The following DIRAS2 variants were observed in gnomAD, a reference collection of about 807,000 sequenced individuals.
The protein encoded by DIRAS2 is DIRAS family GTPase 2, also known as GTP-binding protein Di-Ras2.
In DIRAS2, 5 loss-of-function variants were observed where a neutral mutation model predicts 13.9. The ratio of observed to expected loss-of-function variants is 0.36; its 90% CI spans 0.19 to 0.76. The LOEUF is 0.76. DIRAS2 is among the 30% of genes least tolerant of loss of function. The pLI, the probability that DIRAS2 is intolerant of heterozygous loss-of-function variation, is 0.53. For synonymous variants in DIRAS2, 111 were observed against 105.4 expected (o/e 1.05, Z -0.33); for missense variants, 191 against 263.0 (o/e 0.73, Z 1.89).
At chr9:90,635,918 A>C (rs1428620263) in intron 1 of DIRAS2, among the ~76,000 whole-genome samples, 1 of 151,992 alleles carries the variant, frequency 6.6e-6, no homozygotes, top group Non-Finnish European at 1.5e-5. Context: ...TCAGGATTCC[A>C]GGGCAAGACC....
rs201919906 is a variant in DIRAS2, at chr9:90,613,255, C to T, written c.573G>A (p.Lys191=). ...KKSKQQKRKE[K]LKGKCVIM ...ACATGATCACGCACTTGCCTTTGAG[C>T]TTCTCTTTCCTTTTCTGCTGCTTGC... Residue 191 remains lysine, a synonymous_variant, in exon 2 of 2, where the codon AAG becomes AAA. Coordinates refer to ENST00000375765, the MANE Select transcript of DIRAS2 (RefSeq NM_017594.5). This position sits in a 1 kb window ranked among gnomAD's most constrained non-coding sequence, Gnocchi z 5.6. The T allele has an allele frequency of 6.2e-6, 10 of 1,613,716 alleles. No homozygotes were observed. The East Asian group carries it at 2.2e-4, about 36-fold the overall frequency.
intron 1 of DIRAS2, among the ~76,000 whole-genome samples, chr9:90,640,379 A>G (rs1269759099): frequency 1.3e-5 from 2 of 152,224 alleles, no homozygotes; most frequent in Non-Finnish European, 2.9e-5. Context: ...CCCGTCAGTG[A>G]GGAGAGGCTT....
rs183210180 is a variant in DIRAS2 at position 90,615,234 on chromosome 9, A to C, written c.-36-1371T>G. ...AATATGTTCTCCTGACAGACAGAAC[A>C]TCAGGTCAAAGCCCTGGACTGAGGT... On this transcript the variant is annotated intron_variant, in intron 1 of 1. Transcript: ENST00000375765. 3.3e-5 allele frequency among the ~76,000 whole-genome samples: 5 copies of C among 152,390 alleles called. No individual in the cohort carries two copies. In the East Asian group the frequency reaches 9.6e-4, roughly 29 times the overall value.
At chr9:90,640,026 T>C (rs1311595446) in intron 1 of DIRAS2, among the ~76,000 whole-genome samples, 2 of 152,356 alleles carry the variant, frequency 1.3e-5, no homozygotes, top group South Asian at 2.1e-4. Flanking sequence ...AATTGAGATG[T>C]CTTGTAAGTC....
At position 90,623,892 on chromosome 9, in the gene DIRAS2, G is replaced by C. The variant is rs980937469; in HGVS notation, c.-36-10029C>G. On this transcript the variant is annotated intron_variant, in intron 1 of 1. Coordinates refer to ENST00000375765, the MANE Select transcript of DIRAS2 (RefSeq NM_017594.5). The stretch of plus-strand genomic sequence containing the variant: ...CTGTCTAAACAAACAGTCAAAACTA[G>C]AGGGAAAATTATAGATTGGAAGAAT... 7.2e-5 allele frequency among the ~76,000 whole-genome samples: 11 copies of C among 152,210 alleles called. No individual in the cohort carries two copies. In the South Asian group the frequency reaches 1.0e-3, roughly 14 times the overall value.
intron 1 of DIRAS2, among the ~76,000 whole-genome samples, chr9:90,617,389 A>G (rs1253493752): frequency 6.6e-6 from 1 of 152,252 alleles, no homozygotes; most frequent in Non-Finnish European, 1.5e-5. Context: ...AAACAGCACT[A>G]TAATAAACAA....
In DIRAS2 at chr9:90,613,360, A is replaced by G; in HGVS notation, c.468T>C (p.His156=). The part of the protein sequence containing the change: ...AFMETSAKLN[H]NVKELFQELL... ...GCTCCTGGAAAAGCTCCTTCACGTT[A>G]TGGTTGAGCTTGGCTGAGGTCTCCA... Residue 156 remains histidine, a synonymous_variant, in exon 2 of 2, where the codon CAT becomes CAC. Transcript: ENST00000375765. This position sits in a 1 kb window ranked among gnomAD's most constrained non-coding sequence, Gnocchi z 5.6. The G allele has an allele frequency of 6.2e-7, 1 of 1,613,874 alleles. No homozygotes were observed. The highest frequency in any genetic ancestry group is 8.5e-7 in the Non-Finnish European group (1 of 1,179,972).
intron 1 of DIRAS2, among the ~76,000 whole-genome samples, chr9:90,627,031 A>G (rs512067): frequency 0.92 from 140,069 of 152,216 alleles, 64,712 homozygotes; most frequent in Middle Eastern, 0.99. Context: ...GCTTGGTGCT[A>G]TCTTTGCAAA....
chr9:90,616,736 C>CAA (rs11422558), intron 1 of DIRAS2, among the ~76,000 whole-genome samples: 28,099 of 88,114 alleles, frequency 0.32, 4,067 homozygotes, highest in Non-Finnish European at 0.36. Context: ...GACTCCATCA[C>CAA]AAAAAAAAAA....
chr9:90,614,186 A>C (rs1018927340), intron 1 of DIRAS2, among the ~76,000 whole-genome samples: 2 of 152,146 alleles, frequency 1.3e-5, no homozygotes, highest in Non-Finnish European at 2.9e-5. Context: ...GAGAAGATAA[A>C]TTAACTACCC....
intron 1 of DIRAS2, among the ~76,000 whole-genome samples, chr9:90,616,385 T>G (rs1196835380): frequency 6.6e-6 from 1 of 152,110 alleles, no homozygotes; most frequent in Non-Finnish European, 1.5e-5. Flanking sequence ...AAAGCAGACA[T>G]CAATCCAAAA....
chr9:90,639,398 A>T (rs1283451533), intron 1 of DIRAS2, among the ~76,000 whole-genome samples: 1 of 152,202 alleles, frequency 6.6e-6, no homozygotes, highest in East Asian at 1.9e-4. Context: ...ATACTAAAAG[A>T]TCTGTGAAAT....
chr9:90,639,967 T>C (rs1419601841), intron 1 of DIRAS2, among the ~76,000 whole-genome samples: 1 of 152,220 alleles, frequency 6.6e-6, no homozygotes, highest in African/African-American at 2.4e-5. Context: ...GACAATACAG[T>C]AGCCATCAGC....
At chr9:90,637,504 C>T (rs188880930) in intron 1 of DIRAS2, among the ~76,000 whole-genome samples, 125 of 152,314 alleles carry the variant, frequency 8.2e-4, no homozygotes, top group Non-Finnish European at 1.4e-3. Flanking sequence ...TCTCCATCAC[C>T]TGTCCCATGA....
At chr9:90,639,163 A>G (rs1354911729) in intron 1 of DIRAS2, among the ~76,000 whole-genome samples, 1 of 152,150 alleles carries the variant, frequency 6.6e-6, no homozygotes, top group African/African-American at 2.4e-5. Context: ...GAGACAGAGA[A>G]CCATGTGATG....
intron 1 of DIRAS2, among the ~76,000 whole-genome samples, chr9:90,629,732 T>C (rs1167949276): frequency 2.6e-5 from 4 of 152,252 alleles, no homozygotes; most frequent in African/African-American, 9.6e-5. Flanking sequence ...TCATACCTAA[T>C]ACAACTTAAA....
chr9:90,619,927 G>A (rs1309150646), intron 1 of DIRAS2, among the ~76,000 whole-genome samples: 1 of 151,860 alleles, frequency 6.6e-6, no homozygotes, highest in South Asian at 2.1e-4. Context: ...GCAAGTAAAA[G>A]AAGCCAGTAG....
chr9:90,615,290 T>G (rs1369956890), intron 1 of DIRAS2, among the ~76,000 whole-genome samples: 1 of 152,234 alleles, frequency 6.6e-6, no homozygotes, highest in Non-Finnish European at 1.5e-5. Context: ...CTCATGCGTC[T>G]GCCTACAAAT....
At chr9:90,638,576 CT>C (rs1286602052) in intron 1 of DIRAS2, among the ~76,000 whole-genome samples, 1 of 152,040 alleles carries the variant, frequency 6.6e-6, no homozygotes, top group Non-Finnish European at 1.5e-5. Flanking sequence ...TAGTCAATCC[CT>C]TTTTAAGTGT....
Sources: allele counts gnomAD v4.1 joint callset (sites outside exome capture counted in the v4.1 genomes callset), GRCh38; gene constraint gnomAD v4.1.1; non-coding constraint Gnocchi (gnomAD v3.1); transcripts MANE v1.5; gene names NCBI Gene and HGNC (gene_info 2026-07-23, HGNC 2026-07-21).